RBL2: variants seen among roughly 807,000 people sequenced by gnomAD.
The protein encoded by RBL2 is RB transcriptional corepressor like 2, also known as retinoblastoma-like protein 2.
A neutral mutation model predicts 126.0 loss-of-function variants in RBL2; 56 were observed. The ratio of observed to expected loss-of-function variants is 0.44; its 90% confidence interval spans 0.36 to 0.56. RBL2 has a LOEUF of 0.56. RBL2 is among the 20% of genes least tolerant of loss of function. RBL2 has a pLI of 0.00. For missense variants in RBL2, 1,229 were observed against 1,398.2 expected (o/e 0.88, Z 1.93); for synonymous variants, 454 against 478.5 (o/e 0.95, Z 0.67).
intron 21 of RBL2, 90 bp downstream of exon 21, chr16:53,481,925 G>T: frequency 7.1e-7 from 1 of 1,401,444 alleles, no homozygotes; most frequent in Non-Finnish European, 1.0e-6. Context: ...GCACTCATTA[G>T]AGTGATGAGA....
In RBL2 at chr16:53,462,794, T is replaced by C; in HGVS notation, c.1560+139T>C. 3 of 590,706 alleles carry C rather than the reference T, an allele frequency of 5.1e-6. No homozygotes were observed. The South Asian group carries it at 6.8e-5, about 13-fold the overall frequency. 36.6% of individuals were successfully genotyped at this position (590,706 alleles called of 1,614,324 possible). On this transcript the variant is annotated intron_variant, in intron 11 of 21. Transcript: ENST00000262133. ...TTTTTAATTTTGATGAAATCCAATA[T>C]ATTTTTTCACTAGTTGCCTGTGCTT... is the stretch of plus-strand genomic sequence containing the variant.
At chr16:53,472,424 ATTATTT>A (rs917652506) in intron 17 of RBL2, among the ~76,000 whole-genome samples, 2 of 152,136 alleles carry the variant, frequency 1.3e-5, no homozygotes, top group African/African-American at 4.8e-5. Context: ...TTGCCAACTT[ATTATTT>A]TTATTATAGC....
intron 9 of RBL2, among the ~76,000 whole-genome samples, chr16:53,460,688 G>T (rs2058211110): frequency 6.6e-6 from 1 of 152,092 alleles, no homozygotes; most frequent in African/African-American, 2.4e-5. Flanking sequence ...TGCTATTTTT[G>T]TTGAAAGGTA....
chr16:53,477,787 TTATATA>T (rs567193491), intron 17 of RBL2, among the ~76,000 whole-genome samples: 2 of 151,684 alleles, frequency 1.3e-5, no homozygotes, highest in African/African-American at 4.8e-5. Context: ...TATGGGTACA[TTATATA>T]TATATATTAT....
In RBL2 at chr16:53,454,787, CAG is replaced by C. The variant is rs1349540723; in HGVS notation, c.1128_1129del (p.Glu376AspfsTer3). On this transcript the variant is annotated frameshift_variant, in exon 8 of 22. Transcript: ENST00000262133. LOFTEE classifies it high-confidence loss of function. ...AGGTGTCTGAACGCTGGTTCAGGAA[CAG>C]AGACTGCTGAAAGGGTGCAGATGAA... The C allele has an allele frequency of 6.2e-7, 1 of 1,614,000 alleles. No individual in the cohort carries two copies. Among genetic ancestry groups the C allele is most frequent in the Admixed American group, 1.7e-5 (1 of 59,996 alleles).
chr16:53,475,158 G>C (rs1960681431), intron 17 of RBL2, among the ~76,000 whole-genome samples: 1 of 152,064 alleles, frequency 6.6e-6, no homozygotes, highest in Non-Finnish European at 1.5e-5. Flanking sequence ...ATTTCCTTCT[G>C]TTCTTTTTTA....
chr16:53,447,222 G>C lies in RBL2; in HGVS notation c.637+116G>C, dbSNP rs1158812317. On this transcript the variant is annotated intron_variant, in intron 4 of 21. Transcript: ENST00000262133. ...AGATTTTCACTGAAAATTTTCTCAA[G>C]GGTTTTAATCCTAGATTCTTTTTTA... 5 of 524,832 alleles carry C rather than the reference G, an allele frequency of 9.5e-6. No individual in the cohort carries two copies. In the East Asian group the frequency reaches 1.4e-4, roughly 14 times the overall value. The allele number at this position is 524,832 out of a possible 1,614,324, so 32.5% of individuals were successfully genotyped here. A position where few individuals can be genotyped will look rare whatever the true frequency, so the allele number is the denominator to read the frequency against.
chr16:53,475,123 T>A (rs1462108365), intron 17 of RBL2, among the ~76,000 whole-genome samples: 1 of 152,246 alleles, frequency 6.6e-6, no homozygotes, highest in African/African-American at 2.4e-5. Flanking sequence ...TCCTCTGGGC[T>A]AAATTGTTGG....
At chr16:53,435,495 G>C in intron 1 of RBL2, 1 of 1,030,660 alleles carries the variant, frequency 9.7e-7, no homozygotes, top group South Asian at 1.7e-5. Flanking sequence ...ATCCGGGTGT[G>C]TTAGGTCGCA....
intron 5 of RBL2, among the ~76,000 whole-genome samples, chr16:53,452,273 CAG>C (rs2058123347): frequency 6.6e-6 from 1 of 152,050 alleles, no homozygotes; most frequent in South Asian, 2.1e-4. Context: ...TTTAAACTAA[CAG>C]ATATATGGAA....
intron 14 of RBL2, 89 bp from the exon 15 acceptor site, chr16:53,469,827 G>T: frequency 1.5e-6 from 2 of 1,368,216 alleles, no homozygotes; most frequent in Non-Finnish European, 2.0e-6. Context: ...TTCAAACACT[G>T]TAGTTATTTT....
intron 1 of RBL2, among the ~76,000 whole-genome samples, chr16:53,437,050 TTC>T (rs1465875326): frequency 6.6e-6 from 1 of 150,486 alleles, no homozygotes; most frequent in Non-Finnish European, 1.5e-5. Flanking sequence ...TCTATTTTTT[TTC>T]TTTTTTTTTT....
intron 21 of RBL2, among the ~76,000 whole-genome samples, chr16:53,487,135 A>C (rs1191938551): frequency 3.9e-5 from 6 of 152,224 alleles, no homozygotes; most frequent in Non-Finnish European, 7.3e-5. Context: ...GTTTTCTCCC[A>C]ATTGATCTAT....
At chr16:53,439,894 G>T (rs2057996968) in intron 2 of RBL2, among the ~76,000 whole-genome samples, 1 of 144,330 alleles carries the variant, frequency 6.9e-6, no homozygotes, top group Non-Finnish European at 1.5e-5. Context: ...GATCACTTGA[G>T]CCCTGAATGA....
In RBL2 at chr16:53,434,518, C is replaced by A; in HGVS notation, c.-39C>A. ...CGTTTGAATGGCTGCGGGCCCGGGCCCTCACCTCACCTGAGGTCCGGCCGC... is the reference window on the plus strand; with the variant it reads ...CGTTTGAATGGCTGCGGGCCCGGGCACTCACCTCACCTGAGGTCCGGCCGC... On this transcript the variant is annotated 5_prime_UTR_variant, in exon 1 of 22. Transcript: ENST00000262133. The A allele has an allele frequency of 7.2e-7, 1 of 1,391,264 alleles. No individual in the cohort carries two copies. Among genetic ancestry groups the A allele is most frequent in the Non-Finnish European group, 9.3e-7 (1 of 1,078,566 alleles). 86.2% of individuals were successfully genotyped at this position (1,391,264 alleles called of 1,614,324 possible).
In RBL2 at chr16:53,452,990, AT is replaced by A. The variant is rs918088143; in HGVS notation, c.767-454del. 2.2e-3 allele frequency among the ~76,000 whole-genome samples: 341 copies of A among 151,856 alleles called. 6 individuals are homozygous for A. The highest frequency in any genetic ancestry group is 0.015 in the Admixed American group (231 of 15,226). On this transcript the variant is annotated intron_variant, in intron 5 of 21. Coordinates refer to ENST00000262133, the MANE Select transcript of RBL2 (RefSeq NM_005611.4). The stretch of plus-strand genomic sequence containing the variant: ...CCTTTACCTCTTTTATTTTTATTTG[AT>A]TTTTTTTCTTTTGTGCTGAGTCTAG...
chr16:53,475,835 C>CTTTT (rs10540773), intron 17 of RBL2, among the ~76,000 whole-genome samples: 13 of 76,422 alleles, frequency 1.7e-4, no homozygotes, highest in African/African-American at 2.6e-4. Flanking sequence ...ATTTCAATAT[C>CTTTT]TTTTTTTTTT....
At position 53,490,178 on chromosome 16, in the gene RBL2, A is replaced by G; in HGVS notation, c.3298A>G (p.Lys1100Glu). 1 of 1,612,344 alleles carries G rather than the reference A, an allele frequency of 6.2e-7. No homozygotes were observed. The highest frequency in any genetic ancestry group is 8.5e-7 in the Non-Finnish European group (1 of 1,178,884). ...GATACGCACAGGAGAAACTCCTACTAAAAAGAGAGGAATTCTTTTGGAAGA... is the reference window on the plus strand; with the variant it reads ...GATACGCACAGGAGAAACTCCTACTGAAAAGAGAGGAATTCTTTTGGAAGA... ...SMIRTGETPTKKRGILLEDGS... is the reference protein window; with the variant it reads ...SMIRTGETPTEKRGILLEDGS... Residue 1100 changes from lysine (K) to glutamate (E), a missense_variant, in exon 22 of 22, where the codon AAA becomes GAA. Physicochemically the swap from Lys to Glu is moderately conservative, Grantham distance 56. Transcript: ENST00000262133.
At position 53,442,834 on chromosome 16, in the gene RBL2, G is replaced by T; in HGVS notation, c.548G>T (p.Arg183Leu). The T allele has an allele frequency of 6.2e-7, 1 of 1,612,828 alleles. No homozygotes were observed. The highest frequency in any genetic ancestry group is 8.5e-7 in the Non-Finnish European group (1 of 1,179,304). ...IFKYPQEEQP[R>L]QQRGRKQRRQ... The stretch of plus-strand genomic sequence containing the variant: ...AAATACCCTCAAGAGGAGCAACCTC[G>T]TCAGCAGCGAGGAAGGAAACAGCGG... The change falls in exon 3 of 22, where the codon CGT becomes CTT. Residue 183 changes from arginine to leucine, a missense_variant. Around this residue, in one of 2 missense-constraint regions of RBL2, gnomAD observed 1,070 missense variants for 1,274.3 expected, o/e 0.84. Transcript: ENST00000262133.
Sources: gnomAD v4.1 joint callset for allele counts (sites outside exome capture counted in the v4.1 genomes callset) on GRCh38, gnomAD v4.1.1 for gene constraint, gnomAD v4.1.1 regional missense constraint, MANE v1.5 for transcripts, NCBI Gene and HGNC (gene_info 2026-07-23, HGNC 2026-07-21) for gene names.